Variants in CRBN observed in about 807,000 individuals in gnomAD.
The protein encoded by CRBN is protein cereblon.
CRBN carries 53 observed loss-of-function variants against 62.2 expected under a neutral mutation model. That is an observed-to-expected ratio of 0.85 (90% confidence interval 0.68 to 1.07). The LOEUF is 1.07. Ranked by LOEUF, CRBN falls within the 50% of genes least tolerant of loss-of-function variation. The pLI is 0.00. For synonymous variants in CRBN, 208 were observed against 176.1 expected, an observed-to-expected ratio of 1.18 and a Z score of -1.43; for missense variants, 616 against 531.1, an observed-to-expected ratio of 1.16 and a Z score of -1.57.
intron 10 of CRBN, 42 bp from the exon 11 acceptor site, chr3:3,151,087 G>C: frequency 3.1e-6 from 5 of 1,597,404 alleles, no homozygotes; most frequent in Non-Finnish European, 3.4e-6. Context: ...AAACATTTCT[G>C]TACTCCAAGC....
At chr3:3,171,836 A>G (rs1707629620) in intron 4 of CRBN, among the ~76,000 whole-genome samples, 1 of 152,214 alleles carries the variant, frequency 6.6e-6, no homozygotes, top group Non-Finnish European at 1.5e-5. Flanking sequence ...TGTTCAGAAG[A>G]TACCACCTGG....
chr3:3,153,817 T>G (rs1706747283), intron 8 of CRBN, 143 bp downstream of exon 8: 3 of 674,918 alleles, frequency 4.4e-6, no homozygotes, highest in Non-Finnish European at 8.2e-6. Context: ...AACAATGAGT[T>G]TGTTTGTAAG....
intron 4 of CRBN, 48 bp downstream of exon 4, chr3:3,172,728 T>A: frequency 1.3e-6 from 2 of 1,573,298 alleles, no homozygotes; most frequent in South Asian, 2.2e-5. Context: ...AGAAAACTAT[T>A]TCATTAGGAA....
In CRBN at chr3:3,156,284, G is replaced by GAAAAC; in HGVS notation, c.688-8_688-4dup. On this transcript the variant is annotated splice_region_variant and splice_polypyrimidine_tract_variant and intron_variant, in intron 5 of 10. Transcript: ENST00000231948. ...AGATTTGCACAATGAAACTTTCTCT[G>GAAAAC]AAAACAAAACAAAAAGGCACTTAAA... 6.2e-7 allele frequency: 1 copy of GAAAAC among 1,613,514 alleles called. No homozygotes were observed. Among genetic ancestry groups the GAAAAC allele is most frequent in the African/African-American group, 1.3e-5 (1 of 74,948 alleles).
At chr3:3,177,925 C>T (rs1171662655) in intron 1 of CRBN, among the ~76,000 whole-genome samples, 1 of 151,666 alleles carries the variant, frequency 6.6e-6, no homozygotes, top group African/African-American at 2.4e-5. Context: ...ATAAAATTTA[C>T]GTAATTTGGA....
chr3:3,155,587 GT>G (rs1288522780), intron 6 of CRBN: 1 of 153,122 alleles, frequency 6.5e-6, no homozygotes, highest in Admixed American at 6.5e-5. Context: ...CTGTCCCTTA[GT>G]TTTGCAAAAT....
rs760631630 is a variant in CRBN at position 3,150,891 on chromosome 3, G to GACTT, written c.1299_1302dup (p.Pro435LysfsTer20). ...TACAAGCAAAGTATTACTTTGTCTGGACTTATTTCATCTTCAGTGTCTGGG... is the reference window on the plus strand; with the variant it reads ...TACAAGCAAAGTATTACTTTGTCTGGACTTACTTATTTCATCTTCAGTGTCTGGG... On this transcript the variant is annotated frameshift_variant, in exon 11 of 11. Coordinates refer to ENST00000231948, the MANE Select transcript of CRBN (RefSeq NM_016302.4). LOFTEE classifies it high-confidence loss of function. 2 of 1,613,694 alleles carry GACTT rather than the reference G, an allele frequency of 1.2e-6. No individual in the cohort carries two copies. Among genetic ancestry groups the GACTT allele is most frequent in the Non-Finnish European group, 1.7e-6 (2 of 1,179,846 alleles).
At chr3:3,164,998 C>G (rs369758260) in intron 5 of CRBN, among the ~76,000 whole-genome samples, 1 of 152,066 alleles carries the variant, frequency 6.6e-6, no homozygotes. Flanking sequence ...TCAACCTTAA[C>G]AGGAATTTAG....
intron 3 of CRBN, chr3:3,173,747 C>G: frequency 2.8e-6 from 1 of 361,700 alleles, no homozygotes; most frequent in Non-Finnish European, 5.2e-6. Context: ...CACTACTTCT[C>G]TATAATGAAG....
intron 5 of CRBN, among the ~76,000 whole-genome samples, chr3:3,165,714 T>C (rs1316681200): frequency 6.6e-6 from 1 of 152,212 alleles, no homozygotes; most frequent in Non-Finnish European, 1.5e-5. Flanking sequence ...TTTATTGTGA[T>C]ACTTGTTTTA....
chr3:3,156,313 C>A (rs1002662926), intron 5 of CRBN, 32 bp from the exon 6 acceptor site: 77 of 1,583,612 alleles, frequency 4.9e-5, no homozygotes, highest in African/African-American at 2.2e-4. Context: ...ACTTAAAAAA[C>A]CCCACAGAAT....
rs764198586 is a variant in CRBN, at chr3:3,172,933, G to A, written c.378-8C>T. On this transcript the variant is annotated splice_polypyrimidine_tract_variant and splice_region_variant and intron_variant, in intron 3 of 10. Transcript: ENST00000231948. The stretch of plus-strand genomic sequence containing the variant: ...TCCCTTTCCTGTACATTGCTTCCAA[G>A]AAAATTTTAAAAGGAAAGAATTTTG... 1.2e-6 allele frequency: 2 copies of A among 1,612,446 alleles called. No individual in the cohort carries two copies. The highest frequency in any genetic ancestry group is 2.2e-5 in the South Asian group (2 of 91,052).
intron 5 of CRBN, among the ~76,000 whole-genome samples, chr3:3,157,872 ATG>A: frequency 6.6e-6 from 1 of 152,294 alleles, no homozygotes; most frequent in African/African-American, 2.4e-5. Context: ...ATCAAAGGGA[ATG>A]TCTTGTTACC....
In CRBN at chr3:3,153,957, C is replaced by G. The variant is rs549822663; in HGVS notation, c.951+3G>C. On this transcript the variant is annotated splice_donor_region_variant and intron_variant, in intron 8 of 10. Transcript: ENST00000231948. ...GCATCAAAAACATATTCACTTTACTCACTTTATTCATAATGTCTAATTCAC... is the reference window on the plus strand; with the variant it reads ...GCATCAAAAACATATTCACTTTACTGACTTTATTCATAATGTCTAATTCAC... 2 of 1,564,904 alleles carry G rather than the reference C, an allele frequency of 1.3e-6. No individual in the cohort carries two copies. Among genetic ancestry groups the G allele is most frequent in the South Asian group, 1.1e-5 (1 of 90,104 alleles).
intron 10 of CRBN, among the ~76,000 whole-genome samples, chr3:3,152,222 C>G (rs532061166): frequency 2.2e-4 from 33 of 150,710 alleles, no homozygotes; most frequent in African/African-American, 7.5e-4. Context: ...ACAATCTTGG[C>G]TCACTGCAAC....
intron 5 of CRBN, among the ~76,000 whole-genome samples, chr3:3,163,228 G>C (rs1301013650): frequency 1.3e-5 from 2 of 152,216 alleles, no homozygotes; most frequent in Non-Finnish European, 2.9e-5. Context: ...GAACCCTGTA[G>C]ATAACCTGAC....
At chr3:3,168,076 T>C (rs1289972546) in intron 4 of CRBN, among the ~76,000 whole-genome samples, 1 of 152,102 alleles carries the variant, frequency 6.6e-6, no homozygotes, top group African/African-American at 2.4e-5. Context: ...ACAGAGTCTA[T>C]AAATGAAACA....
intron 4 of CRBN, chr3:3,172,532 C>G: frequency 1.9e-6 from 1 of 533,232 alleles, no homozygotes; most frequent in South Asian, 2.3e-5. Context: ...AAAGATGCTG[C>G]AGCCTCATCA....
chr3:3,179,565 A>T, intron 1 of CRBN, 56 bp downstream of exon 1: 1 of 1,552,750 alleles, frequency 6.4e-7, no homozygotes, highest in Non-Finnish European at 8.9e-7. Flanking sequence ...CTGCACCGCT[A>T]GCGGCTCCGA....
Sources: gnomAD v4.1 joint callset for allele counts (sites outside exome capture counted in the v4.1 genomes callset) on GRCh38, gnomAD v4.1.1 for gene constraint, MANE v1.5 for transcripts, NCBI Gene and HGNC (gene_info 2026-07-23, HGNC 2026-07-21) for gene names.